Variants in CTNNA3 observed in about 807,000 individuals in gnomAD.
CTNNA3 encodes the protein catenin alpha-3.
A neutral mutation model predicts 95.7 loss-of-function variants in CTNNA3; 76 were observed. The observed-to-expected ratio is 0.79, with a 90% CI of 0.66 to 0.96. CTNNA3 has a LOEUF of 0.96. Ranked by LOEUF, CTNNA3 falls within the 40% of genes least tolerant of loss-of-function variation. The pLI is 0.00. For synonymous variants in CTNNA3, 431 were observed against 374.4 expected (o/e 1.15, Z -1.74); for missense variants, 1,191 against 1,089.8 (o/e 1.09, Z -1.31).
At chr10:66,960,884 C>G (rs1849072109) in intron 7 of CTNNA3, among the ~76,000 whole-genome samples, 1 of 152,094 alleles carries the variant, frequency 6.6e-6, no homozygotes, top group Non-Finnish European at 1.5e-5. Flanking sequence ...CTGTAGAAAT[C>G]TTGAGAGTGA....
chr10:66,908,644 C>T (rs905231488), intron 7 of CTNNA3, among the ~76,000 whole-genome samples: 1 of 152,076 alleles, frequency 6.6e-6, no homozygotes, highest in African/African-American at 2.4e-5. Flanking sequence ...TAAGAGTATT[C>T]TAGCTGCTGC....
intron 11 of CTNNA3, among the ~76,000 whole-genome samples, chr10:66,380,982 T>C (rs1228141762): frequency 6.6e-6 from 1 of 150,984 alleles, no homozygotes; most frequent in African/African-American, 2.5e-5. Context: ...CTGTCAATAT[T>C]AGACAGATCA....
At chr10:66,793,786 T>A (rs751326356) in intron 7 of CTNNA3, among the ~76,000 whole-genome samples, 24 of 152,172 alleles carry the variant, frequency 1.6e-4, no homozygotes, top group Admixed American at 2.0e-4. Flanking sequence ...TTAAATAGAC[T>A]TATGATATCT....
At chr10:65,968,639 G>T (rs2078028403) in intron 16 of CTNNA3, among the ~76,000 whole-genome samples, 1 of 152,072 alleles carries the variant, frequency 6.6e-6, no homozygotes, top group Non-Finnish European at 1.5e-5. Flanking sequence ...GTACATGTTT[G>T]CTCAGATTGA....
chr10:67,739,840 G>A (rs540149463), intron 1 of CTNNA3, among the ~76,000 whole-genome samples: 101 of 152,210 alleles, frequency 6.6e-4, no homozygotes, highest in African/African-American at 2.1e-3. Context: ...AAAAGAGGCC[G>A]CATCGCCAAG....
intron 11 of CTNNA3, among the ~76,000 whole-genome samples, chr10:66,482,093 TG>T (rs1839558799): frequency 6.6e-6 from 1 of 152,214 alleles, no homozygotes; most frequent in Non-Finnish European, 1.5e-5. Flanking sequence ...GTAAGATTTT[TG>T]TTAATAGTTT....
intron 7 of CTNNA3, among the ~76,000 whole-genome samples, chr10:66,887,876 T>C (rs992940902): frequency 6.6e-6 from 1 of 152,152 alleles, no homozygotes; most frequent in Non-Finnish European, 1.5e-5. Flanking sequence ...TTACTCTCCC[T>C]GGAGGCTGGA....
In CTNNA3 at chr10:66,471,724, A is replaced by G. The variant is rs1839139845; in HGVS notation, c.1531+48893T>C. 2.0e-5 allele frequency among the ~76,000 whole-genome samples: 3 copies of G among 151,882 alleles called. No individual in the cohort carries two copies. The South Asian group carries it at 6.2e-4, about 32-fold the overall frequency. The stretch of plus-strand genomic sequence containing the variant: ...CACCGTGAAAATGCTCCAACTTAAG[A>G]CATGCTCAGAAGTCATTTTAAATTT... On this transcript the variant is annotated intron_variant, in intron 11 of 17. Coordinates refer to ENST00000433211, the MANE Select transcript of CTNNA3 (RefSeq NM_013266.4).
chr10:66,340,891 T>G (rs1159381197), intron 12 of CTNNA3, among the ~76,000 whole-genome samples: 1 of 151,830 alleles, frequency 6.6e-6, no homozygotes, highest in Non-Finnish European at 1.5e-5. Flanking sequence ...ACTCGATATA[T>G]AGTGTTGGTA....
intron 5 of CTNNA3, among the ~76,000 whole-genome samples, chr10:67,509,196 T>A (rs1414926063): frequency 1.3e-5 from 2 of 151,960 alleles, no homozygotes; most frequent in Non-Finnish European, 1.5e-5. Context: ...TGTTTCTTTT[T>A]TTTTTTTTTA....
chr10:66,274,332 C>A (rs947636447), intron 13 of CTNNA3, among the ~76,000 whole-genome samples: 4 of 149,848 alleles, frequency 2.7e-5, no homozygotes, highest in African/African-American at 1.0e-4. Flanking sequence ...AACATTAAAA[C>A]CATTCTTAGG....
At chr10:66,110,984 C>T (rs1589432694) in intron 13 of CTNNA3, among the ~76,000 whole-genome samples, 1 of 152,078 alleles carries the variant, frequency 6.6e-6, no homozygotes, top group Admixed American at 6.6e-5. Flanking sequence ...TGTATCTAAA[C>T]ATATTTAAAC....
chr10:67,546,202 G>A (rs755235966), intron 3 of CTNNA3, among the ~76,000 whole-genome samples: 70 of 151,980 alleles, frequency 4.6e-4, no homozygotes, highest in Non-Finnish European at 8.1e-4. Context: ...GGTAATCTTA[G>A]CTCACTGCAG....
intron 9 of CTNNA3, among the ~76,000 whole-genome samples, chr10:66,674,704 G>A (rs537839205): frequency 8.6e-5 from 13 of 151,930 alleles, no homozygotes; most frequent in South Asian, 2.1e-4. Context: ...CTCCAATGAT[G>A]GGTAATACTT....
chr10:67,018,052 G>A (rs1852772222), intron 7 of CTNNA3, among the ~76,000 whole-genome samples: 1 of 152,096 alleles, frequency 6.6e-6, no homozygotes, highest in South Asian at 2.1e-4. Flanking sequence ...GATTACAGGT[G>A]TGAGCCACCA....
chr10:66,552,301 C>T (rs953797719), intron 10 of CTNNA3, among the ~76,000 whole-genome samples: 1 of 152,114 alleles, frequency 6.6e-6, no homozygotes, highest in Non-Finnish European at 1.5e-5. Flanking sequence ...TAGACAGAAA[C>T]ATGAGAGTTG....
chr10:66,569,239 A>G (rs928515989), intron 10 of CTNNA3, among the ~76,000 whole-genome samples: 4 of 152,116 alleles, frequency 2.6e-5, no homozygotes, highest in Admixed American at 6.5e-5. Flanking sequence ...ATATTCAGCC[A>G]ATATTTCTTA....
In CTNNA3 at chr10:66,705,828, C is replaced by A. The variant is rs1005335106; in HGVS notation, c.1281+60436G>T. 2.5e-4 allele frequency among the ~76,000 whole-genome samples: 38 copies of A among 151,998 alleles called. 1 individual carries two copies. Among genetic ancestry groups the A allele is most frequent in the Non-Finnish European group, 2.9e-5 (2 of 67,940 alleles). On this transcript the variant is annotated intron_variant, in intron 9 of 17. Coordinates refer to ENST00000433211, the MANE Select transcript of CTNNA3 (RefSeq NM_013266.4). ...TGTCTTAGGCTTTATTCATTTCTAGCCCAACTATATCTTCCTACCTCTTGT... is the reference window on the plus strand; with the variant it reads ...TGTCTTAGGCTTTATTCATTTCTAGACCAACTATATCTTCCTACCTCTTGT...
intron 5 of CTNNA3, among the ~76,000 whole-genome samples, chr10:67,268,372 AT>A (rs1866919229): frequency 6.7e-6 from 1 of 149,274 alleles, no homozygotes; most frequent in African/African-American, 2.5e-5. Context: ...TAAATAAAAA[AT>A]CAGCCGTTAG....
Sources: allele counts gnomAD v4.1 joint callset (sites outside exome capture counted in the v4.1 genomes callset), GRCh38; gene constraint gnomAD v4.1.1; transcripts MANE v1.5; gene names NCBI Gene and HGNC (gene_info 2026-07-23, HGNC 2026-07-21).